GRIN3B: variants seen among roughly 807,000 people sequenced by gnomAD.
GRIN3B encodes glutamate receptor ionotropic, NMDA 3B.
In GRIN3B, 77 loss-of-function variants were observed where a neutral mutation model predicts 66.0. That is an observed-to-expected ratio of 1.17 (90% CI 0.97 to 1.41). The LOEUF is 1.41. GRIN3B is among the 40% of genes most tolerant of loss of function. GRIN3B has a pLI of 0.00. For missense variants in GRIN3B, 1,787 were observed against 1,564.5 expected (o/e 1.14, Z -2.40); for synonymous variants, 823 against 749.7 (o/e 1.10, Z -1.60).
Position 1,007,102 on chromosome 19 carries a change from A to G in GRIN3B, c.2053-526A>G, listed in dbSNP as rs539521480. Among the ~76,000 whole-genome samples, 9 of 152,066 alleles carry G rather than the reference A, an allele frequency of 5.9e-5. No individual in the cohort carries two copies. Among genetic ancestry groups the G allele is most frequent in the Non-Finnish European group, 1.3e-4 (9 of 67,992 alleles). On this transcript the variant is annotated intron_variant, in intron 3 of 8. Coordinates refer to ENST00000234389, the MANE Select transcript of GRIN3B (RefSeq NM_138690.3). The surrounding 1 kb of genome is among the most constrained non-coding windows in gnomAD (Gnocchi z 4.4). The stretch of plus-strand genomic sequence containing the variant: ...AGGCTGGGTTCGACGCTGGGCCCCA[A>G]CCTGGGTAGGAGCTGTGGAGGGGTG...
In GRIN3B at chr19:1,009,165, G is replaced by C; in HGVS notation, c.2703-8G>C. 1.4e-6 allele frequency: 2 copies of C among 1,461,038 alleles called. No homozygotes were observed. Among genetic ancestry groups the C allele is most frequent in the Middle Eastern group, 2.4e-4 (1 of 4,194 alleles). The allele number at this position is 1,461,038 out of a possible 1,614,324, so 90.5% of individuals were successfully genotyped here. On this transcript the variant is annotated splice_region_variant and splice_polypyrimidine_tract_variant and intron_variant, in intron 8 of 8. Transcript: ENST00000234389. ...GGCGGACACTGACCAGGCCGGTTCC[G>C]TCCCCAGCGGCCCCGAGGTGGAGCA... is the stretch of plus-strand genomic sequence containing the variant.
Position 1,008,305 on chromosome 19 carries a change from TG to T in GRIN3B, c.2466+17del. On this transcript the variant is annotated intron_variant, in intron 6 of 8. Coordinates refer to ENST00000234389, the MANE Select transcript of GRIN3B (RefSeq NM_138690.3). ...GCGGTTACAGAGGTGGGGCAGGGCC[TG>T]GGACAGAGGGTGGGGGTGGGGGTGG... 4.8e-6 allele frequency: 1 copy of T among 209,466 alleles called. No individual in the cohort carries two copies. Among genetic ancestry groups the T allele is most frequent in the Non-Finnish European group, 8.3e-6 (1 of 120,134 alleles). The allele number at this position is 209,466 out of a possible 1,614,324, so 13.0% of individuals were successfully genotyped here.
Position 1,007,652 on chromosome 19 carries a change from C to A in GRIN3B, c.2077C>A (p.Arg693Ser). The change falls in exon 4 of 9, where the codon CGC (arginine) becomes AGC (serine). Residue 693 changes from arginine (R) to serine (S), a missense_variant. Arg to Ser is a moderately radical substitution (Grantham distance 110, BLOSUM62 -1). Coordinates refer to ENST00000234389, the MANE Select transcript of GRIN3B (RefSeq NM_138690.3). This position sits in a 1 kb window ranked among gnomAD's most constrained non-coding sequence, Gnocchi z 4.4. ...PKLHHPAQGF[R>S]FGTVWESSAE... ...GCTGCACCACCCGGCGCAGGGCTTCCGCTTCGGCACCGTGTGGGAGAGCAG... is the reference window on the plus strand; with the variant it reads ...GCTGCACCACCCGGCGCAGGGCTTCAGCTTCGGCACCGTGTGGGAGAGCAG... 1 of 1,524,396 alleles carries A rather than the reference C, an allele frequency of 6.6e-7. No individual in the cohort carries two copies. The highest frequency in any genetic ancestry group is 8.8e-7 in the Non-Finnish European group (1 of 1,138,402). 94.4% of individuals were successfully genotyped at this position (1,524,396 alleles called of 1,614,324 possible).
chr19:1,002,880 AAAAAC>A, intron 1 of GRIN3B: 11 of 397,780 alleles, frequency 2.8e-5, no homozygotes, highest in South Asian at 9.1e-5. Context: ...CATGCAAAAA[AAAAAC>A]AAAAAACACC....
At position 1,005,576 on chromosome 19, in the gene GRIN3B, GGGTGGCCTTGGGGGGCTAGC is replaced by G. The variant is rs2038740278; in HGVS notation, c.2052+31_2052+50del. 3 of 1,527,960 alleles carry G rather than the reference GGGTGGCCTTGGGGGGCTAGC, an allele frequency of 2.0e-6. No homozygotes were observed. Among genetic ancestry groups the G allele is most frequent in the South Asian group, 1.3e-5 (1 of 79,926 alleles). 94.7% of individuals were successfully genotyped at this position (1,527,960 alleles called of 1,614,324 possible). ...AAGGTGGGCGGCCTCGGGGGGCTGCGGGTGGCCTTGGGGGGCTAGCGGTGGCCCCGGGCTGGGCTGTGTGG... is the reference window on the plus strand; with the variant it reads ...AAGGTGGGCGGCCTCGGGGGGCTGCGGGTGGCCCCGGGCTGGGCTGTGTGG... On this transcript the variant is annotated intron_variant, in intron 3 of 8. Coordinates refer to ENST00000234389, the MANE Select transcript of GRIN3B (RefSeq NM_138690.3). This position sits in a 1 kb window ranked among gnomAD's most constrained non-coding sequence, Gnocchi z 5.2.
intron 6 of GRIN3B, 92 bp downstream of exon 6, chr19:1,008,383 C>G: frequency 8.1e-7 from 1 of 1,233,266 alleles, no homozygotes; most frequent in Admixed American, 2.1e-5. Context: ...GTGCTCATTC[C>G]CCAGACGTGC....
chr19:1,000,815 C>G lies in GRIN3B; in HGVS notation c.378C>G (p.Pro126=), dbSNP rs554367291. ...TCCTGGCGGCGGCCACCGAGACCCC[C>G]GTGCTCAGCCTGCTGCGGCGGGAGG... ...LHFLAAATET[P]VLSLLRREAR... The change falls in exon 1 of 9, where the codon CCC becomes CCG. Residue 126 remains proline, a synonymous_variant. Transcript: ENST00000234389. 258 of 1,450,814 alleles carry G rather than the reference C, an allele frequency of 1.8e-4. 1 individual carries two copies. In the African/African-American group the frequency reaches 2.9e-3, roughly 17 times the overall value. The allele number at this position is 1,450,814 out of a possible 1,614,324, so 89.9% of individuals were successfully genotyped here.
At position 1,004,501 on chromosome 19, in the gene GRIN3B, C is replaced by T; in HGVS notation, c.1020-20C>T. 11 of 1,520,294 alleles carry T rather than the reference C, an allele frequency of 7.2e-6. No individual in the cohort carries two copies. The highest frequency in any genetic ancestry group is 2.4e-5 in the South Asian group (2 of 84,218). The allele number at this position is 1,520,294 out of a possible 1,614,324, so 94.2% of individuals were successfully genotyped here. On this transcript the variant is annotated intron_variant, in intron 2 of 8. Transcript: ENST00000234389. ...GGGTGTGAACTTCGACACCTGACAC[C>T]CCCCCCGCCCTGCCCCTAGGTTCCT...
In GRIN3B at chr19:1,009,464, C is replaced by T; in HGVS notation, c.2994C>T (p.Arg998=). 1.4e-6 allele frequency: 2 copies of T among 1,479,762 alleles called. No homozygotes were observed. Among genetic ancestry groups the T allele is most frequent in the Non-Finnish European group, 8.9e-7 (1 of 1,121,924 alleles). 91.7% of individuals were successfully genotyped at this position (1,479,762 alleles called of 1,614,324 possible). A position where few individuals can be genotyped will look rare whatever the true frequency, so the allele number is the denominator to read the frequency against. ...RRIEVARERL[R]QALVRRGQLL... ...TCGAAGTCGCGCGTGAGCGGCTCCG[C>T]CAGGCCCTGGTGCGGCGCGGCCAGC... Residue 998 remains arginine, a synonymous_variant, in exon 9 of 9, where the codon CGC becomes CGT. Transcript: ENST00000234389.
At chr19:1,001,442 CT>C (rs1300187735) in intron 1 of GRIN3B, among the ~76,000 whole-genome samples, 2 of 151,926 alleles carry the variant, frequency 1.3e-5, no homozygotes, top group Non-Finnish European at 2.9e-5. Flanking sequence ...CCCCCAACCC[CT>C]GGCAGCCTTC....
chr19:1,006,783 G>A (rs1202181271), intron 3 of GRIN3B, among the ~76,000 whole-genome samples: 1 of 152,158 alleles, frequency 6.6e-6, no homozygotes, highest in Non-Finnish European at 1.5e-5. Flanking sequence ...TGCTGCCGGC[G>A]GCTCTTCCAA....
At chr19:1,001,091 G>A (rs1355904613) in intron 1 of GRIN3B, among the ~76,000 whole-genome samples, 10 of 152,050 alleles carry the variant, frequency 6.6e-5, no homozygotes, top group Admixed American at 6.5e-5. Context: ...ACCTAGACGC[G>A]GGGTTGAGAG....
intron 5 of GRIN3B, 79 bp downstream of exon 5, chr19:1,008,050 G>C: frequency 6.3e-7 from 1 of 1,577,276 alleles, no homozygotes; most frequent in Non-Finnish European, 8.6e-7. Flanking sequence ...CGGAGGGTTC[G>C]AGGTGGGAAG....
At chr19:1,008,572 C>A in intron 6 of GRIN3B, 46 bp from the exon 7 acceptor site, 1 of 1,571,326 alleles carries the variant, frequency 6.4e-7, no homozygotes. Context: ...TCCCCAGGGG[C>A]CTGCCATTAC....
chr19:1,003,383 G>T lies in GRIN3B; in HGVS notation c.680G>T (p.Gly227Val). The stretch of plus-strand genomic sequence containing the variant: ...CTGGCCCCGATGGCGGCGCCAGTGG[G>T]GGGTGAAGCACCGGTACCCGCGGCG... Reference protein sequence around the residue: ...ARLAPMAAPVGGEAPVPAAVL... With the variant: ...ARLAPMAAPVVGEAPVPAAVL... The change falls in exon 2 of 9, where the codon GGG (glycine) becomes GTG (valine). Residue 227 changes from glycine (G) to valine (V), a missense_variant. Physicochemically the swap from Gly to Val is moderately radical, Grantham distance 109. Transcript: ENST00000234389. 2 of 1,567,018 alleles carry T rather than the reference G, an allele frequency of 1.3e-6. No individual in the cohort carries two copies. Among genetic ancestry groups the T allele is most frequent in the Non-Finnish European group, 8.6e-7 (1 of 1,161,866 alleles).
At chr19:1,002,986 A>G in intron 1 of GRIN3B, 144 bp from the exon 2 acceptor site, 1 of 551,550 alleles carries the variant, frequency 1.8e-6, no homozygotes, top group Non-Finnish European at 3.1e-6. Flanking sequence ...GGAAGGGTTT[A>G]GAGCAGGGCT....
Position 1,000,594 on chromosome 19 carries a change from G to A in GRIN3B, c.157G>A (p.Ala53Thr). The change falls in exon 1 of 9, where the codon GCC (alanine) becomes ACC (threonine). Residue 53 changes from alanine to threonine, a missense_variant. Coordinates refer to ENST00000234389, the MANE Select transcript of GRIN3B (RefSeq NM_138690.3). ...CCGCGCGCCTCTCGCCCGCGCCCGCGCCCGCGCCGCCCTGGCCCGGGCCGC... is the reference window on the plus strand; with the variant it reads ...CCGCGCGCCTCTCGCCCGCGCCCGCACCCGCGCCGCCCTGGCCCGGGCCGC... ...LPRAPLARAR[A>T]RAALARAALA... 1 of 1,030,774 alleles carries A rather than the reference G, an allele frequency of 9.7e-7. No individual in the cohort carries two copies. The highest frequency in any genetic ancestry group is 1.2e-6 in the Non-Finnish European group (1 of 862,854). The allele number at this position is 1,030,774 out of a possible 1,614,324, so 63.9% of individuals were successfully genotyped here. A position where few individuals can be genotyped will look rare whatever the true frequency, so the allele number is the denominator to read the frequency against.
chr19:1,004,735 C>G lies in GRIN3B; in HGVS notation c.1234C>G (p.Gln412Glu). The G allele has an allele frequency of 6.2e-7, 1 of 1,608,148 alleles. No individual in the cohort carries two copies. Among genetic ancestry groups the G allele is most frequent in the East Asian group, 2.2e-5 (1 of 44,704 alleles). The change falls in exon 3 of 9, where the codon CAG becomes GAG. Residue 412 changes from glutamine (Q) to glutamate (E), a missense_variant. Transcript: ENST00000234389. Reference sequence around the variant, plus strand: ...ACGGCCCCCGCCCCCACAGGGTGCCCAGGTCTGGCCCAAGCTGCGTGTGGT... The same window carrying G: ...ACGGCCCCCGCCCCCACAGGGTGCCGAGGTCTGGCCCAAGCTGCGTGTGGT... ...SARPPPPQGA[Q>E]VWPKLRVVTL...
rs1312068699 is a variant in GRIN3B, at chr19:1,007,446, C to A, written c.2053-182C>A. On this transcript the variant is annotated intron_variant, in intron 3 of 8. Coordinates refer to ENST00000234389, the MANE Select transcript of GRIN3B (RefSeq NM_138690.3). This position sits in a 1 kb window ranked among gnomAD's most constrained non-coding sequence, Gnocchi z 4.4. ...CCAGGGGACCCTGGACAGTGTGTGT[C>A]TAGAGACAGCTGTGGTGGTCACGCC... Among the ~76,000 whole-genome samples, 1 of 151,826 alleles carries A rather than the reference C, an allele frequency of 6.6e-6. No homozygotes were observed. The highest frequency in any genetic ancestry group is 2.1e-4 in the South Asian group (1 of 4,820).
Sources: gnomAD v4.1 joint callset for allele counts (sites outside exome capture counted in the v4.1 genomes callset) on GRCh38, gnomAD v4.1.1 for gene constraint, Gnocchi (gnomAD v3.1) non-coding constraint, MANE v1.5 for transcripts, NCBI Gene and HGNC (gene_info 2026-07-23, HGNC 2026-07-21) for gene names.